Variants in SEMA5A observed in about 807,000 individuals in gnomAD.
SEMA5A encodes semaphorin-5A.
SEMA5A carries 55 observed loss-of-function variants against 135.5 expected under a neutral mutation model. The ratio of observed to expected loss-of-function variants is 0.41; its 90% CI spans 0.33 to 0.51. The LOEUF (loss-of-function observed/expected upper bound fraction) is 0.51, where lower values mean the gene tolerates loss of function less well. SEMA5A is among the 20% of genes least tolerant of loss of function. SEMA5A has a pLI of 0.37. For synonymous variants in SEMA5A, 580 were observed against 546.5 expected (o/e 1.06, Z -0.85); for missense variants, 1,290 against 1,419.9 (o/e 0.91, Z 1.47).
chr5:9,517,229 G>C (rs1023423042), intron 1 of SEMA5A: 1 of 152,152 alleles, frequency 6.6e-6, no homozygotes, highest in African/African-American at 2.4e-5. Context: ...GAAGCCTATG[G>C]GGAATGCCAC....
intron 3 of SEMA5A, among the ~76,000 whole-genome samples, chr5:9,366,880 T>TAGA (rs1328699290): frequency 4.0e-4 from 61 of 152,332 alleles, no homozygotes; most frequent in African/African-American, 1.5e-3. Flanking sequence ...GAAATTGAGA[T>TAGA]GAAAATGGAA....
intron 4 of SEMA5A, among the ~76,000 whole-genome samples, chr5:9,318,999 G>A (rs930700443): frequency 6.6e-6 from 1 of 152,110 alleles, no homozygotes; most frequent in South Asian, 2.1e-4. Context: ...GAGAGGCAGA[G>A]GTTGCCAGGC....
chr5:9,318,145 C>G (rs368455187), intron 5 of SEMA5A, among the ~76,000 whole-genome samples: 4 of 152,092 alleles, frequency 2.6e-5, no homozygotes, highest in Admixed American at 1.3e-4. Context: ...ATCACATCCA[C>G]GGAACAAACA....
At chr5:9,104,165 C>T (rs1560919134) in intron 16 of SEMA5A, among the ~76,000 whole-genome samples, 1 of 152,170 alleles carries the variant, frequency 6.6e-6, no homozygotes, top group Non-Finnish European at 1.5e-5. Context: ...TGGCAACTTG[C>T]TACTGGGCAA....
rs1054513260 is a variant in SEMA5A at position 9,290,671 on chromosome 5, T to C, written c.270+27701A>G. Among the ~76,000 whole-genome samples, 30 of 152,212 alleles carry C rather than the reference T, an allele frequency of 2.0e-4. 1 individual carries two copies. The highest frequency in any genetic ancestry group is 7.2e-4 in the African/African-American group (30 of 41,460). On this transcript the variant is annotated intron_variant, in intron 5 of 22. Transcript: ENST00000382496. Reference sequence around the variant, plus strand: ...AATAGGTACATAGAGATGATAGCGCTAGATATACAGAAACATTGATATATG... The same window carrying C: ...AATAGGTACATAGAGATGATAGCGCCAGATATACAGAAACATTGATATATG...
In SEMA5A at chr5:9,155,644, A is replaced by G. The variant is rs543444888; in HGVS notation, c.1274-949T>C. On this transcript the variant is annotated intron_variant, in intron 11 of 22. Coordinates refer to ENST00000382496, the MANE Select transcript of SEMA5A (RefSeq NM_003966.3). ...CCATGATCCCGAGTTTCAAAACATC[A>G]TGGTTCTTATTTTGCAAACACAGAA... 4.6e-5 allele frequency among the ~76,000 whole-genome samples: 7 copies of G among 152,308 alleles called. No individual in the cohort carries two copies. In the East Asian group the frequency reaches 1.3e-3, roughly 29 times the overall value.
intron 1 of SEMA5A, among the ~76,000 whole-genome samples, chr5:9,542,170 A>G (rs1738128858): frequency 1.3e-5 from 2 of 152,188 alleles, no homozygotes; most frequent in Admixed American, 6.5e-5. Flanking sequence ...GCGTACCCAT[A>G]TCTGTTTCTC....
chr5:9,088,035 C>T (rs1738799852), intron 16 of SEMA5A, among the ~76,000 whole-genome samples: 1 of 152,066 alleles, frequency 6.6e-6, no homozygotes, highest in Non-Finnish European at 1.5e-5. Context: ...CGCCTATAAT[C>T]CCAGCAAAAG....
At position 9,051,941 on chromosome 5, in the gene SEMA5A, A is replaced by G. The variant is rs1234909438; in HGVS notation, c.2777T>C (p.Met926Thr). The G allele has an allele frequency of 9.9e-6, 16 of 1,614,044 alleles. No homozygotes were observed. The highest frequency in any genetic ancestry group is 2.7e-5 in the African/African-American group (2 of 74,922). ...RARQCILLFP[M>T]GSQCSGNTTE... ...GGTGTTCCCGGAGCACTGGCTGCCCATGGGGAACAGGAGGATGCACTGGCG... is the reference window on the plus strand; with the variant it reads ...GGTGTTCCCGGAGCACTGGCTGCCCGTGGGGAACAGGAGGATGCACTGGCG... The change falls in exon 20 of 23, where the codon ATG becomes ACG. Residue 926 changes from methionine to threonine, a missense_variant. Met to Thr is a moderately conservative substitution (Grantham distance 81). Coordinates refer to ENST00000382496, the MANE Select transcript of SEMA5A (RefSeq NM_003966.3).
intron 2 of SEMA5A, among the ~76,000 whole-genome samples, chr5:9,423,532 C>T (rs1757542252): frequency 6.6e-6 from 1 of 152,208 alleles, no homozygotes; most frequent in Non-Finnish European, 1.5e-5. Context: ...CTCAGGGAAT[C>T]CTAATGGCCA....
intron 4 of SEMA5A, among the ~76,000 whole-genome samples, chr5:9,333,529 C>A (rs766972739): frequency 6.6e-6 from 1 of 152,200 alleles, no homozygotes; most frequent in Non-Finnish European, 1.5e-5. Context: ...AATGTAATCA[C>A]CCTCCCTTGT....
intron 5 of SEMA5A, among the ~76,000 whole-genome samples, chr5:9,278,876 T>A (rs1431273715): frequency 6.6e-6 from 1 of 152,250 alleles, no homozygotes; most frequent in Non-Finnish European, 1.5e-5. Flanking sequence ...AACACCTTGA[T>A]GTCCAGGCAG....
chr5:9,516,113 G>A (rs758916856), intron 1 of SEMA5A, among the ~76,000 whole-genome samples: 6 of 152,194 alleles, frequency 3.9e-5, no homozygotes, highest in Non-Finnish European at 5.9e-5. Flanking sequence ...ATAAAGCACT[G>A]TGCAAGGCAC....
chr5:9,104,581 A>C (rs886674438), intron 16 of SEMA5A, among the ~76,000 whole-genome samples: 1 of 152,200 alleles, frequency 6.6e-6, no homozygotes, highest in Admixed American at 6.5e-5. Context: ...ATATATAGAA[A>C]TATTAGGTAC....
intron 11 of SEMA5A, among the ~76,000 whole-genome samples, chr5:9,155,529 C>A (rs1055405846): frequency 5.3e-5 from 8 of 151,534 alleles, no homozygotes; most frequent in Non-Finnish European, 1.0e-4. Context: ...CCTGCAAATC[C>A]CAGGCATGAA....
chr5:9,385,860 G>A (rs567714349), intron 2 of SEMA5A, among the ~76,000 whole-genome samples: 62 of 138,374 alleles, frequency 4.5e-4, no homozygotes, highest in Non-Finnish European at 1.1e-4. Context: ...GGAGTGCAAC[G>A]GCATGATCTC....
At chr5:9,429,468 AGGCAGG>A (rs1488568335) in intron 2 of SEMA5A, among the ~76,000 whole-genome samples, 1 of 152,240 alleles carries the variant, frequency 6.6e-6, no homozygotes, top group African/African-American at 2.4e-5. Flanking sequence ...TTACATGAGA[AGGCAGG>A]GGCAGAAGTT....
chr5:9,538,256 C>CTT (rs1737882336), intron 1 of SEMA5A, among the ~76,000 whole-genome samples: 1 of 44,806 alleles, frequency 2.2e-5, no homozygotes, highest in African/African-American at 6.7e-5. Flanking sequence ...TTCTTTGATT[C>CTT]TTCTCTAAGA....
chr5:9,394,402 C>G (rs268491), intron 2 of SEMA5A, among the ~76,000 whole-genome samples: 63,313 of 152,000 alleles, frequency 0.42, 13,738 homozygotes, highest in East Asian at 0.53. Context: ...GCCCTCAGCA[C>G]GCCCTGCCGT....
Sources: gnomAD v4.1 joint callset for allele counts (sites outside exome capture counted in the v4.1 genomes callset) on GRCh38, gnomAD v4.1.1 for gene constraint, MANE v1.5 for transcripts, NCBI Gene and HGNC (gene_info 2026-07-23, HGNC 2026-07-21) for gene names.